Variants in IQCM observed in about 807,000 individuals in gnomAD.
The protein encoded by IQCM is IQ domain-containing protein M.
A neutral mutation model predicts 57.6 loss-of-function variants in IQCM; 45 were observed. That is an observed-to-expected ratio of 0.78 (90% CI 0.62 to 1.00). The LOEUF is 1.00. Ranked by LOEUF, IQCM falls within the 50% of genes least tolerant of loss-of-function variation. The pLI is 0.00. For missense variants in IQCM, 468 were observed against 511.6 expected, an observed-to-expected ratio of 0.91 and a Z score of 0.82; for synonymous variants, 148 against 158.9, an observed-to-expected ratio of 0.93 and a Z score of 0.51.
At chr4:149,543,368 TTAGA>T (rs1339052358) in intron 12 of IQCM, among the ~76,000 whole-genome samples, 1 of 152,016 alleles carries the variant, frequency 6.6e-6, no homozygotes, top group Non-Finnish European at 1.5e-5. Flanking sequence ...ACAGAAAAAC[TTAGA>T]TAAATAGTAA....
At chr4:149,606,108 G>T (rs1016637758) in intron 8 of IQCM, among the ~76,000 whole-genome samples, 2 of 152,164 alleles carry the variant, frequency 1.3e-5, no homozygotes, top group African/African-American at 2.4e-5. Context: ...GGCAGTATTT[G>T]CTGTGGGCCT....
At chr4:149,409,759 C>G (rs568911268) in intron 13 of IQCM, among the ~76,000 whole-genome samples, 1 of 152,290 alleles carries the variant, frequency 6.6e-6, no homozygotes, top group East Asian at 1.9e-4. Context: ...TCTCTAAAAG[C>G]AGCAAAAGCC....
At chr4:149,655,583 G>T (rs1490131813) in intron 7 of IQCM, among the ~76,000 whole-genome samples, 1 of 152,032 alleles carries the variant, frequency 6.6e-6, no homozygotes, top group Middle Eastern at 3.2e-3. Context: ...CTATAATATT[G>T]TTACGTACCG....
intron 7 of IQCM, among the ~76,000 whole-genome samples, chr4:149,639,753 T>A (rs1031404770): frequency 4.0e-5 from 6 of 151,890 alleles, no homozygotes; most frequent in Non-Finnish European, 5.9e-5. Context: ...AAACTCTAGC[T>A]CTACAAAAAA....
At chr4:149,405,869 T>C (rs910339501) in intron 13 of IQCM, among the ~76,000 whole-genome samples, 3 of 116,338 alleles carry the variant, frequency 2.6e-5, no homozygotes, top group African/African-American at 9.8e-5. Context: ...TATATCTCTC[T>C]CCATATATAT....
At position 149,482,971 on chromosome 4, in the gene IQCM, G is replaced by C. The variant is rs760250320; in HGVS notation, c.1229-49414C>G. Reference sequence around the variant, plus strand: ...CTTCCTATTGGTCTGTTCAGGTATTGAATTTCTTCATGGTTCAACCTTGGT... The same window carrying C: ...CTTCCTATTGGTCTGTTCAGGTATTCAATTTCTTCATGGTTCAACCTTGGT... On this transcript the variant is annotated intron_variant, in intron 12 of 13. Coordinates refer to ENST00000636793, the MANE Select transcript of IQCM (RefSeq NM_001363507.2). Among the ~76,000 whole-genome samples the C allele has an allele frequency of 3.3e-5, 5 of 151,592 alleles. 1 individual carries two copies. The highest frequency in any genetic ancestry group is 5.9e-5 in the Non-Finnish European group (4 of 67,740).
intron 2 of IQCM, among the ~76,000 whole-genome samples, chr4:149,755,192 A>G (rs369674648): frequency 2.0e-5 from 3 of 152,154 alleles, no homozygotes; most frequent in Non-Finnish European, 4.4e-5. Flanking sequence ...GCCTAGTTCT[A>G]CTTCCTGCCC....
chr4:149,370,326 T>C (rs1730275170), intron 13 of IQCM, among the ~76,000 whole-genome samples: 1 of 152,182 alleles, frequency 6.6e-6, no homozygotes, highest in African/African-American at 2.4e-5. Flanking sequence ...TCTTCATCCG[T>C]AAAATGAAAA....
intron 8 of IQCM, among the ~76,000 whole-genome samples, chr4:149,591,003 T>C (rs1014096759): frequency 2.0e-5 from 3 of 152,068 alleles, no homozygotes; most frequent in African/African-American, 7.2e-5. Context: ...TGACACATTC[T>C]AAACACTTGG....
chr4:149,434,469 C>T (rs1218423661), intron 12 of IQCM, among the ~76,000 whole-genome samples: 1 of 152,066 alleles, frequency 6.6e-6, no homozygotes, highest in African/African-American at 2.4e-5. Context: ...TGCCTAGAAA[C>T]ACTTTAAAGA....
At chr4:149,697,886 G>C (rs922176408) in intron 5 of IQCM, among the ~76,000 whole-genome samples, 21 of 152,000 alleles carry the variant, frequency 1.4e-4, no homozygotes, top group African/African-American at 4.8e-4. Flanking sequence ...ATTTCCCCTG[G>C]TATGTTATGA....
At chr4:149,696,139 G>A (rs780092927) in intron 5 of IQCM, among the ~76,000 whole-genome samples, 4 of 151,722 alleles carry the variant, frequency 2.6e-5, no homozygotes, top group Non-Finnish European at 4.4e-5. Context: ...TTTTTTCGTC[G>A]CTACACTCCC....
intron 12 of IQCM, among the ~76,000 whole-genome samples, chr4:149,546,702 T>C (rs537680228): frequency 2.1e-4 from 32 of 152,338 alleles, no homozygotes; most frequent in Non-Finnish European, 3.5e-4. Flanking sequence ...TGGAGTTCTT[T>C]GTAGATTCTG....
intron 12 of IQCM, among the ~76,000 whole-genome samples, chr4:149,486,643 G>A (rs1168787425): frequency 2.6e-5 from 4 of 152,204 alleles, no homozygotes; most frequent in African/African-American, 9.6e-5. Flanking sequence ...CTACTCAGGA[G>A]GCTGAGGCAG....
chr4:149,520,384 G>A (rs1745505075), intron 12 of IQCM, among the ~76,000 whole-genome samples: 1 of 152,018 alleles, frequency 6.6e-6, no homozygotes, highest in South Asian at 2.1e-4. Flanking sequence ...TCACCATTTT[G>A]CCTGTTGTCC....
chr4:149,562,179 G>A (rs770675002), intron 10 of IQCM, among the ~76,000 whole-genome samples: 1 of 152,116 alleles, frequency 6.6e-6, no homozygotes, highest in Non-Finnish European at 1.5e-5. Flanking sequence ...TGTAAGAAAT[G>A]GAATAAGGTA....
chr4:149,368,760 ATATATATATACATATATATACATG>A (rs1560778607), intron 13 of IQCM, among the ~76,000 whole-genome samples: 15 of 106,582 alleles, frequency 1.4e-4, no homozygotes, highest in African/African-American at 4.1e-4. Context: ...ATACATGTAT[ATATATATATACATATATATACATG>A]TATATATATA....
At chr4:149,691,142 A>C (rs1489325213) in intron 5 of IQCM, among the ~76,000 whole-genome samples, 2 of 152,184 alleles carry the variant, frequency 1.3e-5, no homozygotes, top group Non-Finnish European at 2.9e-5. Flanking sequence ...TAATTGCTAT[A>C]TATGGATTAT....
At chr4:149,732,897 T>C (rs1017843363) in intron 5 of IQCM, among the ~76,000 whole-genome samples, 62 of 152,202 alleles carry the variant, frequency 4.1e-4, no homozygotes, top group Admixed American at 3.9e-3. Flanking sequence ...GCCTATCCTA[T>C]TGATCCTGCT....
Sources: gnomAD v4.1 joint callset for allele counts (sites outside exome capture counted in the v4.1 genomes callset) on GRCh38, gnomAD v4.1.1 for gene constraint, MANE v1.5 for transcripts, NCBI Gene and HGNC (gene_info 2026-07-23, HGNC 2026-07-21) for gene names.